The following CNTNAP3 variants were observed in gnomAD, a reference collection of about 807,000 sequenced individuals.
CNTNAP3 encodes contactin associated protein family member 3.
In CNTNAP3, 36 loss-of-function variants were observed where a neutral mutation model predicts 92.1. That is an observed-to-expected ratio of 0.39 (90% CI 0.30 to 0.52). The LOEUF (loss-of-function observed/expected upper bound fraction) is 0.52, where lower values mean the gene tolerates loss of function less well. Ranked by LOEUF, CNTNAP3 falls within the 20% of genes least tolerant of loss-of-function variation. The probability of loss-of-function intolerance (pLI) is 0.76; values close to 1 mark genes in which losing one functional copy is unlikely to be tolerated. For synonymous variants in CNTNAP3, 232 were observed against 422.3 expected, an observed-to-expected ratio of 0.55 and a Z score of 5.53; for missense variants, 534 against 1,069.6, an observed-to-expected ratio of 0.50 and a Z score of 6.98.
chr9:39,082,436 T>C (rs560827176), intron 21 of CNTNAP3, among the ~76,000 whole-genome samples: 103 of 151,288 alleles, frequency 6.8e-4, no homozygotes, highest in African/African-American at 2.4e-3. Flanking sequence ...AAAGGACTAA[T>C]TGATATAATC....
In CNTNAP3 at chr9:39,103,735, C is replaced by T. The variant is rs374444559; in HGVS notation, c.2536+9G>A. 41 of 1,609,484 alleles carry T rather than the reference C, an allele frequency of 2.5e-5. No homozygotes were observed. Among genetic ancestry groups the T allele is most frequent in the African/African-American group, 1.3e-4 (10 of 74,820 alleles). On this transcript the variant is annotated intron_variant, in intron 16 of 23. Transcript: ENST00000297668. ...GTACCCTGTGACTTGTCCAGAGTGG[C>T]GAGCTTACCACGCAGCTCAATCCTG...
chr9:39,089,817 C>A (rs1380850171), intron 18 of CNTNAP3, among the ~76,000 whole-genome samples: 1 of 152,128 alleles, frequency 6.6e-6, no homozygotes, highest in Non-Finnish European at 1.5e-5. Flanking sequence ...ATGTTGCCAA[C>A]TATTTTTTCA....
intron 14 of CNTNAP3, among the ~76,000 whole-genome samples, chr9:39,113,351 C>T (rs1820756385): frequency 6.6e-6 from 1 of 152,092 alleles, no homozygotes; most frequent in Middle Eastern, 3.2e-3. Context: ...AAAAGTACTG[C>T]AGTTATTCCA....
intron 15 of CNTNAP3, among the ~76,000 whole-genome samples, chr9:39,106,760 C>G (rs1246674060): frequency 6.6e-6 from 1 of 151,826 alleles, no homozygotes; most frequent in Non-Finnish European, 1.5e-5. Flanking sequence ...ACCTAGAAAC[C>G]AGTGTTTGAT....
chr9:39,132,610 C>A (rs1821319492), intron 13 of CNTNAP3, among the ~76,000 whole-genome samples: 1 of 152,238 alleles, frequency 6.6e-6, no homozygotes, highest in African/African-American at 2.4e-5. Flanking sequence ...AATTGTTAGA[C>A]CCAGCCTGCC....
chr9:39,132,336 CAG>C (rs1341743127), intron 13 of CNTNAP3, among the ~76,000 whole-genome samples: 4 of 152,038 alleles, frequency 2.6e-5, no homozygotes, highest in African/African-American at 7.2e-5. Context: ...TTGATGCAGG[CAG>C]AGTTTCCAAA....
chr9:39,140,478 T>C, intron 12 of CNTNAP3, 41 bp downstream of exon 12: 7 of 1,601,776 alleles, frequency 4.4e-6, no homozygotes, highest in Non-Finnish European at 6.0e-6. Flanking sequence ...AATTTCTCCT[T>C]GGTCTATTCT....
rs761849994 is a variant in CNTNAP3 at position 39,078,724 on chromosome 9, C to G, written c.3639G>C (p.Ala1213=). 1 of 1,348,702 alleles carries G rather than the reference C, an allele frequency of 7.4e-7. No homozygotes were observed. Among genetic ancestry groups the G allele is most frequent in the Non-Finnish European group, 9.9e-7 (1 of 1,009,310 alleles). 83.5% of individuals were successfully genotyped at this position (1,348,702 alleles called of 1,614,324 possible). A position where few individuals can be genotyped will look rare whatever the true frequency, so the allele number is the denominator to read the frequency against. ...CAAGAASGSP[A]RELAPRLAGG... is the part of the protein sequence containing the mutation. ...CCGCGAGTCGGGGAGCCAGTTCCCG[C>G]GCCGGGGAGCCGGACGCCGCCCCCG... The change falls in exon 22 of 24, where the codon GCG becomes GCC. Residue 1213 remains alanine, a synonymous_variant. Transcript: ENST00000297668.
intron 16 of CNTNAP3, 25 bp downstream of exon 16, chr9:39,103,719 G>A: frequency 6.2e-7 from 1 of 1,604,364 alleles, no homozygotes; most frequent in Non-Finnish European, 8.5e-7. Context: ...GGTACCCTGT[G>A]ACTTGTCCAG....
intron 13 of CNTNAP3, among the ~76,000 whole-genome samples, chr9:39,123,666 A>G (rs539472709): frequency 1.1e-4 from 17 of 152,202 alleles, no homozygotes; most frequent in Admixed American, 9.2e-4. Context: ...TTTAAAAATA[A>G]AATCTCGAAA....
chr9:39,147,672 G>C (rs957167153), intron 10 of CNTNAP3, among the ~76,000 whole-genome samples: 2 of 152,194 alleles, frequency 1.3e-5, no homozygotes, highest in African/African-American at 4.8e-5. Flanking sequence ...ATGTTTACAA[G>C]TAACTTTGGG....
rs537341958 is a variant in CNTNAP3 at position 39,139,058 on chromosome 9, ATTGC to A, written c.1876+1457_1876+1460del. On this transcript the variant is annotated intron_variant, in intron 12 of 23. Coordinates refer to ENST00000297668, the MANE Select transcript of CNTNAP3 (RefSeq NM_033655.5). ...TGAAATTGCACATTTTATAATCATT[ATTGC>A]TTGATTTGTACAACTAGAGAATTTA... 3.9e-5 allele frequency among the ~76,000 whole-genome samples: 6 copies of A among 152,260 alleles called. No individual in the cohort carries two copies. The South Asian group carries it at 1.2e-3, about 32-fold the overall frequency.
rs1187935122 is a variant in CNTNAP3 at position 39,138,608 on chromosome 9, G to T, written c.1876+1911C>A. 3.3e-5 allele frequency among the ~76,000 whole-genome samples: 5 copies of T among 152,192 alleles called. 1 individual carries two copies. The highest frequency in any genetic ancestry group is 1.2e-4 in the African/African-American group (5 of 41,440). On this transcript the variant is annotated intron_variant, in intron 12 of 23. Coordinates refer to ENST00000297668, the MANE Select transcript of CNTNAP3 (RefSeq NM_033655.5). ...CCTTCCCTTTCTGGAAGCATGAGGAGATTTTTCTCCAACATTCACTGTGAG... is the reference window on the plus strand; with the variant it reads ...CCTTCCCTTTCTGGAAGCATGAGGATATTTTTCTCCAACATTCACTGTGAG...
chr9:39,111,489 T>C (rs1245275051), intron 14 of CNTNAP3, among the ~76,000 whole-genome samples: 2 of 152,092 alleles, frequency 1.3e-5, no homozygotes, highest in South Asian at 4.1e-4. Context: ...TTATTCATTT[T>C]TATGCAAAGA....
rs963951891 is a variant in CNTNAP3 at position 39,114,081 on chromosome 9, C to CTTT, written c.2237+4019_2237+4021dup. ...ATATATATATATACACACACACATA[C>CTTT]TTTTTTTTTTTTTTTTTTTGAGACA... On this transcript the variant is annotated intron_variant, in intron 14 of 23. Coordinates refer to ENST00000297668, the MANE Select transcript of CNTNAP3 (RefSeq NM_033655.5). Among the ~76,000 whole-genome samples the CTTT allele has an allele frequency of 6.9e-5, 9 of 130,298 alleles. 1 individual carries two copies. Among genetic ancestry groups the CTTT allele is most frequent in the African/African-American group, 2.0e-4 (7 of 34,736 alleles). The allele number at this position is 130,298 out of a possible 152,430, so 85.5% of individuals were successfully genotyped here.
intron 14 of CNTNAP3, among the ~76,000 whole-genome samples, chr9:39,116,106 C>T (rs1218345029): frequency 6.6e-6 from 1 of 150,762 alleles, no homozygotes; most frequent in African/African-American, 2.4e-5. Flanking sequence ...GAGCTGAGAT[C>T]GCACCACTGC....
intron 10 of CNTNAP3, among the ~76,000 whole-genome samples, chr9:39,148,142 G>A (rs559969672): frequency 3.8e-4 from 58 of 151,968 alleles, no homozygotes; most frequent in African/African-American, 1.4e-3. Context: ...TACAGAGTGG[G>A]GTTCTGGAGC....
intron 8 of CNTNAP3, among the ~76,000 whole-genome samples, chr9:39,170,364 G>C (rs1344369081): frequency 2.0e-5 from 2 of 98,336 alleles, no homozygotes; most frequent in Admixed American, 1.9e-4. Flanking sequence ...ATTACCCCCT[G>C]GTCTCAAGCA....
chr9:39,117,704 A>G (rs965983467), intron 14 of CNTNAP3, among the ~76,000 whole-genome samples: 6 of 152,198 alleles, frequency 3.9e-5, no homozygotes, highest in African/African-American at 1.4e-4. Context: ...AATTTCTAAA[A>G]GAAAGATAGA....
Sources: allele counts gnomAD v4.1 joint callset (sites outside exome capture counted in the v4.1 genomes callset), GRCh38; gene constraint gnomAD v4.1.1; transcripts MANE v1.5; gene names NCBI Gene and HGNC (gene_info 2026-07-23, HGNC 2026-07-21).